Variants in EYS observed in about 807,000 individuals in gnomAD.
EYS encodes protein eyes shut homolog.
Under a neutral mutation model 282.1 loss-of-function variants are expected in EYS, and 250 were observed. The observed-to-expected ratio is 0.89, with a 90% CI of 0.80 to 0.98. EYS has a LOEUF of 0.98. Among genes scored for constraint, EYS ranks in the 50% least tolerant of loss-of-function variants. EYS has a pLI of 0.00. For missense variants in EYS, 4,016 were observed against 3,709.0 expected, an observed-to-expected ratio of 1.08 and a Z score of -2.15; for synonymous variants, 1,355 against 1,282.9, an observed-to-expected ratio of 1.06 and a Z score of -1.20.
At chr6:65,256,482 A>G (rs1767470260) in intron 12 of EYS, among the ~76,000 whole-genome samples, 1 of 124,318 alleles carries the variant, frequency 8.0e-6, no homozygotes, top group Admixed American at 8.7e-5. Context: ...ATGCGATCTC[A>G]TTGTTCAATT....
chr6:64,936,473 G>T (rs375865879), intron 15 of EYS, among the ~76,000 whole-genome samples: 1 of 151,118 alleles, frequency 6.6e-6, no homozygotes, highest in African/African-American at 2.4e-5. Context: ...AGAAAAAAAC[G>T]TATCAATATT....
At chr6:64,735,261 T>G (rs149277547) in intron 22 of EYS, among the ~76,000 whole-genome samples, 14 of 152,146 alleles carry the variant, frequency 9.2e-5, no homozygotes, top group African/African-American at 3.4e-4. Flanking sequence ...TTTTTCGTAT[T>G]TTTAGTAGAG....
At chr6:64,255,565 T>C (rs891877976) in intron 30 of EYS, among the ~76,000 whole-genome samples, 1 of 152,102 alleles carries the variant, frequency 6.6e-6, no homozygotes, top group Admixed American at 6.6e-5. Context: ...TTGTTTCTAA[T>C]TGGATTAAAC....
At chr6:65,672,383 A>G (rs1768420886) in intron 1 of EYS, among the ~76,000 whole-genome samples, 1 of 152,154 alleles carries the variant, frequency 6.6e-6, no homozygotes, top group South Asian at 2.1e-4. Context: ...AGCTTCTAAA[A>G]AAGGAAACCA....
intron 31 of EYS, among the ~76,000 whole-genome samples, chr6:64,086,704 G>A (rs372205077): frequency 2.6e-5 from 4 of 151,992 alleles, no homozygotes; most frequent in African/African-American, 7.2e-5. Flanking sequence ...TTTATCCTAC[G>A]TTACAATTGT....
intron 32 of EYS, among the ~76,000 whole-genome samples, chr6:64,076,913 G>A (rs1771791531): frequency 6.6e-6 from 1 of 151,632 alleles, no homozygotes; most frequent in Non-Finnish European, 1.5e-5. Flanking sequence ...GAATTATGTA[G>A]CTATCTACTA....
At chr6:65,333,476 A>C (rs1340362671) in intron 11 of EYS, among the ~76,000 whole-genome samples, 1 of 151,440 alleles carries the variant, frequency 6.6e-6, no homozygotes, top group Non-Finnish European at 1.5e-5. Context: ...TATCTTGGAG[A>C]GTGTGCCATG....
At chr6:64,290,804 C>T (rs369818704) in intron 30 of EYS, among the ~76,000 whole-genome samples, 17 of 151,336 alleles carry the variant, frequency 1.1e-4, no homozygotes, top group South Asian at 2.1e-4. Flanking sequence ...CTATGTTCTA[C>T]GTTCTTACAC....
intron 40 of EYS, among the ~76,000 whole-genome samples, chr6:63,768,834 A>G (rs1455152579): frequency 1.3e-5 from 2 of 152,148 alleles, no homozygotes; most frequent in Admixed American, 6.6e-5. Context: ...ATGCCCATCA[A>G]CAGGGTACTG....
chr6:65,281,559 C>T (rs928892419), intron 12 of EYS, among the ~76,000 whole-genome samples: 1 of 152,192 alleles, frequency 6.6e-6, no homozygotes, highest in Non-Finnish European at 1.5e-5. Flanking sequence ...CAGCTGCACA[C>T]TTTTGAAAGA....
chr6:65,574,483 C>T (rs1370183592), intron 2 of EYS, among the ~76,000 whole-genome samples: 4 of 151,920 alleles, frequency 2.6e-5, no homozygotes, highest in African/African-American at 4.8e-5. Flanking sequence ...GCTAGCTATG[C>T]GTGTATCAGG....
At chr6:64,579,113 C>A (rs772873122) in intron 26 of EYS, among the ~76,000 whole-genome samples, 1 of 152,038 alleles carries the variant, frequency 6.6e-6, no homozygotes, top group Admixed American at 6.6e-5. Context: ...TACCCATGGG[C>A]GAAAGAATGT....
chr6:64,010,028 C>T (rs532148568), intron 33 of EYS, among the ~76,000 whole-genome samples: 1 of 151,342 alleles, frequency 6.6e-6, no homozygotes, highest in African/African-American at 2.4e-5. Flanking sequence ...CTCAGCTCAG[C>T]ACTCCTGGGC....
At chr6:65,267,646 T>C (rs1767793461) in intron 12 of EYS, among the ~76,000 whole-genome samples, 1 of 152,030 alleles carries the variant, frequency 6.6e-6, no homozygotes, top group Admixed American at 6.6e-5. Context: ...GTACAGATGT[T>C]ACCCTCAGCA....
chr6:64,599,223 T>C (rs1766687855), intron 24 of EYS, among the ~76,000 whole-genome samples: 1 of 152,166 alleles, frequency 6.6e-6, no homozygotes, highest in Admixed American at 6.5e-5. Context: ...GTAGATAATA[T>C]ACACTCAATG....
At chr6:64,696,291 T>G in intron 22 of EYS, among the ~76,000 whole-genome samples, 1 of 152,278 alleles carries the variant, frequency 6.6e-6, no homozygotes, top group East Asian at 1.9e-4. Context: ...AACAAGTCTT[T>G]TGACTTTATC....
intron 1 of EYS, among the ~76,000 whole-genome samples, chr6:65,672,395 TA>T (rs777933116): frequency 6.6e-6 from 1 of 152,032 alleles, no homozygotes; most frequent in Non-Finnish European, 1.5e-5. Context: ...AGGAAACCAG[TA>T]AAATCTCCCT....
intron 12 of EYS, among the ~76,000 whole-genome samples, chr6:65,288,553 T>G (rs1241394024): frequency 2.7e-5 from 4 of 150,902 alleles, no homozygotes. Flanking sequence ...CAAACATCTT[T>G]TAAGTATAAA....
At chr6:64,441,842 A>G (rs1018769066) in intron 26 of EYS, among the ~76,000 whole-genome samples, 1 of 152,128 alleles carries the variant, frequency 6.6e-6, no homozygotes, top group African/African-American at 2.4e-5. Flanking sequence ...AGCCATGTGG[A>G]ACTGTAAGTC....
Sources: allele counts gnomAD v4.1 joint callset (sites outside exome capture counted in the v4.1 genomes callset), GRCh38; gene constraint gnomAD v4.1.1; transcripts MANE v1.5; gene names NCBI Gene and HGNC (gene_info 2026-07-23, HGNC 2026-07-21).